PAK5: variants seen among roughly 807,000 people sequenced by gnomAD.
The protein encoded by PAK5 is p21 (RAC1) activated kinase 5, also known as serine/threonine-protein kinase PAK 5.
In PAK5, 16 loss-of-function variants were observed where a neutral mutation model predicts 65.9. The ratio of observed to expected loss-of-function variants is 0.24; its 90% CI spans 0.16 to 0.37. The LOEUF is 0.37. Among genes scored for constraint, PAK5 ranks in the 10% least tolerant of loss-of-function variants. The pLI is 1.00. For missense variants in PAK5, 785 were observed against 903.9 expected (o/e 0.87, Z 1.69); for synonymous variants, 371 against 354.9 (o/e 1.05, Z -0.51).
At position 9,566,250 on chromosome 20, in the gene PAK5, A is replaced by G. The variant is rs1305612161; in HGVS notation, c.1125T>C (p.Ser375=). ...GYSSSSHQYP[S]GYHKATLYHH... is the part of the protein sequence containing the mutation. ...GGTACAAGGTGGCTTTGTGGTACCC[A>G]GACGGGTACTGGTGACTGCTTGAGG... The change falls in exon 5 of 10, where the codon TCT becomes TCC. Residue 375 remains serine (S), a synonymous_variant. Transcript: ENST00000353224. The G allele has an allele frequency of 6.2e-7, 1 of 1,613,762 alleles. No homozygotes were observed. The highest frequency in any genetic ancestry group is 8.5e-7 in the Non-Finnish European group (1 of 1,179,952).
chr20:9,617,443 G>T (rs1249940014), intron 3 of PAK5, among the ~76,000 whole-genome samples: 1 of 151,622 alleles, frequency 6.6e-6, no homozygotes, highest in Non-Finnish European at 1.5e-5. Context: ...AATGACATTG[G>T]AAACAGCTAG....
At chr20:9,607,568 T>C (rs2046478031) in intron 3 of PAK5, among the ~76,000 whole-genome samples, 1 of 152,162 alleles carries the variant, frequency 6.6e-6, no homozygotes, top group African/African-American at 2.4e-5. Context: ...GGCTCACACC[T>C]GTAATCCCAG....
intron 1 of PAK5, among the ~76,000 whole-genome samples, chr20:9,791,388 C>A (rs1402537398): frequency 3.3e-5 from 5 of 152,112 alleles, no homozygotes; most frequent in African/African-American, 1.2e-4. Flanking sequence ...TCACCCAAAG[C>A]AGGACCTTGG....
At chr20:9,652,181 A>G (rs2047211216) in intron 2 of PAK5, among the ~76,000 whole-genome samples, 2 of 152,202 alleles carry the variant, frequency 1.3e-5, no homozygotes, top group Non-Finnish European at 2.9e-5. Flanking sequence ...TCCTTCACTT[A>G]CGGGAGAAAG....
intron 2 of PAK5, among the ~76,000 whole-genome samples, chr20:9,690,520 T>G (rs2047778472): frequency 6.6e-6 from 1 of 151,720 alleles, no homozygotes; most frequent in Non-Finnish European, 1.5e-5. Context: ...GCAAGGTGAG[T>G]GAATGAGAAA....
chr20:9,802,705 C>T (rs2049183186), intron 1 of PAK5, among the ~76,000 whole-genome samples: 1 of 151,204 alleles, frequency 6.6e-6, no homozygotes, highest in Non-Finnish European at 1.5e-5. Flanking sequence ...AAAAACTGGG[C>T]ATTGGACAGG....
chr20:9,776,475 T>G (rs981762643), intron 1 of PAK5, among the ~76,000 whole-genome samples: 3 of 152,354 alleles, frequency 2.0e-5, no homozygotes, highest in Admixed American at 2.0e-4. Context: ...GCTCCTGTTT[T>G]CACTAAGTAG....
intron 7 of PAK5, among the ~76,000 whole-genome samples, chr20:9,552,635 T>C (rs371931025): frequency 1.3e-4 from 20 of 152,208 alleles, no homozygotes; most frequent in East Asian, 7.7e-4. Flanking sequence ...TTATCTAGTC[T>C]TTTGAGAGGA....
intron 1 of PAK5, among the ~76,000 whole-genome samples, chr20:9,721,712 A>G (rs909624330): frequency 4.0e-5 from 6 of 151,042 alleles, no homozygotes; most frequent in African/African-American, 2.4e-5. Flanking sequence ...AAAGCTTGCT[A>G]TCAAAGCCAT....
intron 3 of PAK5, among the ~76,000 whole-genome samples, chr20:9,588,984 C>G (rs530322486): frequency 3.3e-5 from 5 of 152,242 alleles, no homozygotes; most frequent in Admixed American, 1.3e-4. Context: ...CCTTGTTCCC[C>G]GAAAAGAGAT....
At chr20:9,545,238 G>T (rs191092710) in intron 7 of PAK5, among the ~76,000 whole-genome samples, 313 of 152,210 alleles carry the variant, frequency 2.1e-3, no homozygotes, top group Middle Eastern at 6.8e-3. Flanking sequence ...AAAAAAACTT[G>T]GAAATTTCTT....
At chr20:9,770,931 T>C (rs2048825888) in intron 1 of PAK5, among the ~76,000 whole-genome samples, 1 of 152,144 alleles carries the variant, frequency 6.6e-6, no homozygotes, top group Non-Finnish European at 1.5e-5. Flanking sequence ...ACAACTCAGA[T>C]AGAGCTGTCT....
At chr20:9,676,200 C>T (rs1327939634) in intron 2 of PAK5, among the ~76,000 whole-genome samples, 2 of 152,080 alleles carry the variant, frequency 1.3e-5, no homozygotes, top group Non-Finnish European at 1.5e-5. Context: ...AAGAACAGCA[C>T]GGGAAGGACC....
At chr20:9,795,715 T>C (rs1266147000) in intron 1 of PAK5, among the ~76,000 whole-genome samples, 32 of 151,956 alleles carry the variant, frequency 2.1e-4, no homozygotes. Context: ...AATTTAAAAA[T>C]CCAATAGTTC....
At chr20:9,798,711 C>T (rs148294486) in intron 1 of PAK5, among the ~76,000 whole-genome samples, 7 of 152,142 alleles carry the variant, frequency 4.6e-5, no homozygotes, top group Non-Finnish European at 7.4e-5. Context: ...ATTTGGGGCT[C>T]GTGAATTTGT....
chr20:9,689,768 G>A (rs6086985), intron 2 of PAK5, among the ~76,000 whole-genome samples: 22,725 of 152,176 alleles, frequency 0.15, 1,879 homozygotes, highest in Non-Finnish European at 0.18. Flanking sequence ...AGAGTGAGAA[G>A]AAGAGTTTAA....
chr20:9,551,780 C>T (rs1330543107), intron 7 of PAK5, among the ~76,000 whole-genome samples: 7 of 152,158 alleles, frequency 4.6e-5, no homozygotes, highest in Non-Finnish European at 1.5e-5. Flanking sequence ...TTCCTGGGTA[C>T]CACGTAGCCT....
chr20:9,760,150 ATAATGGCTT>A (rs780099270), intron 1 of PAK5, among the ~76,000 whole-genome samples: 29 of 152,366 alleles, frequency 1.9e-4, no homozygotes, highest in Non-Finnish European at 3.1e-4. Context: ...ACTGAAAATC[ATAATGGCTT>A]TCAATAACTG....
intron 2 of PAK5, among the ~76,000 whole-genome samples, chr20:9,650,445 G>A (rs1414536997): frequency 2.0e-5 from 3 of 152,144 alleles, no homozygotes; most frequent in African/African-American, 7.2e-5. Flanking sequence ...AAGAGGTTGG[G>A]TATTTATTAC....
Sources: gnomAD v4.1 joint callset for allele counts (sites outside exome capture counted in the v4.1 genomes callset) on GRCh38, gnomAD v4.1.1 for gene constraint, MANE v1.5 for transcripts, NCBI Gene and HGNC (gene_info 2026-07-23, HGNC 2026-07-21) for gene names.